The following SLC23A2 variants were observed in gnomAD, a reference collection of about 807,000 sequenced individuals.
SLC23A2 encodes the protein Na(+)/L-ascorbic acid transporter 2.
Under a neutral mutation model 73.3 loss-of-function variants are expected in SLC23A2, and 36 were observed. That is an observed-to-expected ratio of 0.49 (90% CI 0.38 to 0.65). The LOEUF (loss-of-function observed/expected upper bound fraction) is 0.65, where lower values mean the gene tolerates loss of function less well. SLC23A2 is among the 30% of genes least tolerant of loss of function. The pLI is 0.00. For missense variants in SLC23A2, 507 were observed against 841.6 expected (o/e 0.60, Z 4.92); for synonymous variants, 343 against 327.3 (o/e 1.05, Z -0.52).
At chr20:4,934,414 C>A (rs2086927850) in intron 2 of SLC23A2, among the ~76,000 whole-genome samples, 1 of 152,094 alleles carries the variant, frequency 6.6e-6, no homozygotes, top group African/African-American at 2.4e-5. Context: ...AGACACTTCC[C>A]TCCTCCCAAG....
In SLC23A2 at chr20:4,874,208, T is replaced by G. The variant is rs561144461; in HGVS notation, c.946-116A>C. On this transcript the variant is annotated intron_variant, in intron 10 of 16. Coordinates refer to ENST00000338244, the MANE Select transcript of SLC23A2 (RefSeq NM_005116.6). Reference sequence around the variant, plus strand: ...CCAGAGCCCACCACAGTCAGTACTTTGCAGACCTTCCTTGAATGGACTCTC... The same window carrying G: ...CCAGAGCCCACCACAGTCAGTACTTGGCAGACCTTCCTTGAATGGACTCTC... The G allele has an allele frequency of 1.8e-5, 15 of 836,644 alleles. No homozygotes were observed. In the African/African-American group the frequency reaches 3.0e-4, roughly 17 times the overall value. 51.8% of individuals were successfully genotyped at this position (836,644 alleles called of 1,614,324 possible).
chr20:4,885,669 A>T, intron 7 of SLC23A2, 152 bp downstream of exon 7: 1 of 645,946 alleles, frequency 1.5e-6, no homozygotes, highest in Admixed American at 2.4e-5. Context: ...GACACGATCC[A>T]CAGATGGAGC....
intron 3 of SLC23A2, among the ~76,000 whole-genome samples, chr20:4,920,134 G>A (rs896496566): frequency 5.3e-5 from 8 of 152,168 alleles, no homozygotes; most frequent in South Asian, 4.1e-4. Context: ...GGAGGCTCGC[G>A]CCTGTAATCC....
At chr20:4,874,290 G>A (rs1370042448) in intron 10 of SLC23A2, among the ~76,000 whole-genome samples, 198 bp from the exon 11 acceptor site, 1 of 152,182 alleles carries the variant, frequency 6.6e-6, no homozygotes, top group Non-Finnish European at 1.5e-5. Flanking sequence ...AAGTCTGGCT[G>A]GTAAAACAAG....
intron 13 of SLC23A2, among the ~76,000 whole-genome samples, chr20:4,865,712 C>T (rs2122782244): frequency 6.6e-6 from 1 of 152,166 alleles, no homozygotes; most frequent in East Asian, 1.9e-4. Flanking sequence ...CCAGGACCGC[C>T]ACTCTCCCCG....
At chr20:4,982,913 CT>C (rs2122276159) in intron 1 of SLC23A2, among the ~76,000 whole-genome samples, 1 of 152,012 alleles carries the variant, frequency 6.6e-6, no homozygotes, top group East Asian at 1.9e-4. Context: ...CGAGACCAAT[CT>C]GATCAACATG....
At chr20:4,876,487 A>T (rs1326119144) in intron 9 of SLC23A2, among the ~76,000 whole-genome samples, 2 of 152,156 alleles carry the variant, frequency 1.3e-5, no homozygotes, top group Non-Finnish European at 2.9e-5. Flanking sequence ...GGGGGCAGGC[A>T]CCCTGTGACA....
chr20:4,971,237 C>T (rs2087555259), intron 1 of SLC23A2, among the ~76,000 whole-genome samples: 1 of 151,864 alleles, frequency 6.6e-6, no homozygotes. Flanking sequence ...TAGGTCAAGG[C>T]AGGCAGGTCA....
intron 1 of SLC23A2, among the ~76,000 whole-genome samples, chr20:5,008,919 TC>T (rs2088219759): frequency 1.3e-5 from 2 of 151,918 alleles, no homozygotes; most frequent in Non-Finnish European, 2.9e-5. Context: ...CACAATCATC[TC>T]CCCTTCTCAG....
chr20:4,885,242 A>G (rs961957708), intron 7 of SLC23A2, among the ~76,000 whole-genome samples: 7 of 152,226 alleles, frequency 4.6e-5, no homozygotes, highest in African/African-American at 1.7e-4. Flanking sequence ...AGGAGCAAGG[A>G]AGGAAATGAA....
chr20:4,958,365 G>C (rs1457498641), intron 2 of SLC23A2, among the ~76,000 whole-genome samples: 1 of 152,172 alleles, frequency 6.6e-6, no homozygotes, highest in Non-Finnish European at 1.5e-5. Flanking sequence ...AAGCCTAGAG[G>C]GGAGGGGGAG....
At chr20:5,005,851 T>G (rs1220599436), upstream of SLC23A2, among the ~76,000 whole-genome samples, 1 of 151,994 alleles carries the variant, frequency 6.6e-6, no homozygotes, top group African/African-American at 2.4e-5. Context: ...CCGGGCATGG[T>G]GGCGCATGCC....
intron 1 of SLC23A2, among the ~76,000 whole-genome samples, chr20:5,009,064 A>C (rs2088221242): frequency 2.6e-5 from 4 of 152,118 alleles, no homozygotes; most frequent in Admixed American, 2.0e-4. Flanking sequence ...CATGCCCTCA[A>C]AATTGCACAA....
In SLC23A2 at chr20:4,957,623, G is replaced by A. The variant is rs182206693; in HGVS notation, c.-155+13170C>T. Among the ~76,000 whole-genome samples, 393 of 151,106 alleles carry A rather than the reference G, an allele frequency of 2.6e-3. 1 individual carries two copies. Among genetic ancestry groups the A allele is most frequent in the Non-Finnish European group, 3.4e-3 (230 of 67,772 alleles). ...GAAAAGAAAAAAAACCCAACAGGCTGAGCGCAGTGGCTCACACCTGTAATC... is the reference window on the plus strand; with the variant it reads ...GAAAAGAAAAAAAACCCAACAGGCTAAGCGCAGTGGCTCACACCTGTAATC... On this transcript the variant is annotated intron_variant, in intron 2 of 16. Transcript: ENST00000338244.
At chr20:4,949,163 C>T (rs534639672) in intron 2 of SLC23A2, among the ~76,000 whole-genome samples, 1 of 151,912 alleles carries the variant, frequency 6.6e-6, no homozygotes, top group African/African-American at 2.4e-5. Flanking sequence ...TGGCAGGCAC[C>T]TGTAATCCCA....
intron 1 of SLC23A2, among the ~76,000 whole-genome samples, chr20:4,986,787 G>C (rs2087838178): frequency 6.6e-6 from 1 of 151,408 alleles, no homozygotes; most frequent in South Asian, 2.1e-4. Context: ...AAAACAGTAA[G>C]TGTGAGATCT....
chr20:4,889,600 G>C (rs1300829047), intron 6 of SLC23A2, among the ~76,000 whole-genome samples: 1 of 150,976 alleles, frequency 6.6e-6, no homozygotes, highest in Non-Finnish European at 1.5e-5. Flanking sequence ...CTCACATGAC[G>C]AGCCAGCCTG....
At chr20:4,927,868 C>A (rs1164889387) in intron 3 of SLC23A2, among the ~76,000 whole-genome samples, 2 of 152,110 alleles carry the variant, frequency 1.3e-5, no homozygotes, top group Non-Finnish European at 2.9e-5. Context: ...CCAGCTGCCC[C>A]CACACTAATC....
At chr20:4,916,191 G>A (rs563652490) in intron 3 of SLC23A2, among the ~76,000 whole-genome samples, 91 of 152,282 alleles carry the variant, frequency 6.0e-4, no homozygotes, top group African/African-American at 2.0e-3. Context: ...TCCACGAGAT[G>A]AAACTCTTAA....
Sources: gnomAD v4.1 joint callset for allele counts (sites outside exome capture counted in the v4.1 genomes callset) on GRCh38, gnomAD v4.1.1 for gene constraint, MANE v1.5 for transcripts, NCBI Gene and HGNC (gene_info 2026-07-23, HGNC 2026-07-21) for gene names.